CD33: variants seen among roughly 807,000 people sequenced by gnomAD.
CD33 encodes myeloid cell surface antigen CD33.
In CD33, 25 loss-of-function variants were observed where a neutral mutation model predicts 31.4. That is an observed-to-expected ratio of 0.80 (90% CI 0.58 to 1.11). The LOEUF is 1.11. Among genes scored for constraint, CD33 ranks in the 50% most tolerant of loss-of-function variants. CD33 has a pLI of 0.00. For missense variants in CD33, 407 were observed against 448.1 expected (o/e 0.91, Z 0.83); for synonymous variants, 176 against 180.6 (o/e 0.97, Z 0.20).
rs1980977612 is a variant in CD33 at position 51,225,886 on chromosome 19, G to C, written c.502G>C (p.Ala168Pro). 6.2e-7 allele frequency: 1 copy of C among 1,614,018 alleles called. No individual in the cohort carries two copies. The highest frequency in any genetic ancestry group is 1.3e-5 in the African/African-American group (1 of 74,986). Residue 168 changes from alanine (A) to proline (P), a missense_variant, in exon 3 of 7, where the codon GCC becomes CCC. By Grantham distance (27) the Ala-to-Pro change is conservative (BLOSUM62 -1). Transcript: ENST00000262262. The stretch of plus-strand genomic sequence containing the variant: ...AAACCTGACCTGCTCTGTGTCCTGG[G>C]CCTGTGAGCAGGGAACACCCCCGAT... ...SKNLTCSVSW[A>P]CEQGTPPIFS...
the CD33 span, among the ~76,000 whole-genome samples, chr19:51,217,160 C>T: frequency 6.6e-6 from 1 of 152,068 alleles, no homozygotes; most frequent in Non-Finnish European, 1.5e-5. Context: ...GGTCAAGGCA[C>T]CTACAGACAG....
the CD33 span, chr19:51,211,462 A>G: frequency 6.4e-7 from 1 of 1,568,286 alleles, no homozygotes; most frequent in Non-Finnish European, 8.6e-7. Context: ...GGATCCCAGT[A>G]AGAACAACTG....
the CD33 span, chr19:51,211,833 G>A: frequency 3.8e-6 from 4 of 1,062,974 alleles, no homozygotes; most frequent in Middle Eastern, 6.1e-4. Context: ...GAGGACCCTG[G>A]AATCTGGCCA....
upstream of CD33, among the ~76,000 whole-genome samples, chr19:51,224,284 T>C (rs1220441183): frequency 6.6e-6 from 1 of 152,188 alleles, no homozygotes; most frequent in Non-Finnish European, 1.5e-5. Context: ...GAGTCTGCTT[T>C]TAGCTTCCCT....
intron 5 of CD33, 65 bp from the exon 6 acceptor site, chr19:51,235,530 G>A: frequency 1.3e-6 from 2 of 1,546,490 alleles, no homozygotes; most frequent in Non-Finnish European, 1.7e-6. Context: ...CCTCATTCCA[G>A]GCTCATAACA....
At chr19:51,231,130 T>C (rs1459428064) in intron 4 of CD33, among the ~76,000 whole-genome samples, 3 of 152,252 alleles carry the variant, frequency 2.0e-5, no homozygotes, top group Non-Finnish European at 2.9e-5. Context: ...GCAGAGCATA[T>C]GCTAAACCGT....
At chr19:51,231,624 A>G in intron 4 of CD33, among the ~76,000 whole-genome samples, 1 of 122,168 alleles carries the variant, frequency 8.2e-6, no homozygotes, top group Admixed American at 9.1e-5. Flanking sequence ...TTTTGTAGTG[A>G]TAAGATTTGA....
the CD33 span, chr19:51,211,312 C>G: frequency 6.4e-7 from 1 of 1,563,560 alleles, no homozygotes; most frequent in African/African-American, 1.4e-5. Context: ...CCATCCCATA[C>G]CCTACTACAA....
chr19:51,232,695 T>C (rs147470795), intron 4 of CD33, among the ~76,000 whole-genome samples: 257 of 152,358 alleles, frequency 1.7e-3, no homozygotes, highest in African/African-American at 5.6e-3. Flanking sequence ...AAGCTCTCGA[T>C]TGCGGTTTTT....
rs1285826815 is a variant in CD33 at position 51,239,863 on chromosome 19, C to T, written c.*175C>T. 2.1e-6 allele frequency: 1 copy of T among 470,916 alleles called. No individual in the cohort carries two copies. The highest frequency in any genetic ancestry group is 3.7e-6 in the Non-Finnish European group (1 of 269,836). 29.2% of individuals were successfully genotyped at this position (470,916 alleles called of 1,614,324 possible). A position where few individuals can be genotyped will look rare whatever the true frequency, so the allele number is the denominator to read the frequency against. On this transcript the variant is annotated 3_prime_UTR_variant, in exon 7 of 7. Coordinates refer to ENST00000262262, the MANE Select transcript of CD33 (RefSeq NM_001772.4). ...CTTTGCAAGCAGAGAGTCGTGGAAT[C>T]AAATCTGTGCTCTTTCATTTGCTAA...
At chr19:51,219,020 C>G in the CD33 span, among the ~76,000 whole-genome samples, 39 of 151,622 alleles carry the variant, frequency 2.6e-4, no homozygotes, top group Non-Finnish European at 4.6e-4. Context: ...CTTTTTGTTT[C>G]TATATGAATT....
the CD33 span, chr19:51,212,026 G>C: frequency 2.1e-6 from 2 of 931,930 alleles, no homozygotes; most frequent in Non-Finnish European, 3.4e-6. Flanking sequence ...ACGTTCCCCG[G>C]AGCTGGTGTG....
In CD33 at chr19:51,225,290, T is replaced by G. The variant is rs371490488; in HGVS notation, c.110T>G (p.Val37Gly). 6 of 1,614,022 alleles carry G rather than the reference T, an allele frequency of 3.7e-6. No homozygotes were observed. The highest frequency in any genetic ancestry group is 5.1e-6 in the Non-Finnish European group (6 of 1,180,008). The change falls in exon 2 of 7, where the codon GTC (valine) becomes GGC (glycine). Residue 37 changes from valine (V) to glycine (G), a missense_variant. Coordinates refer to ENST00000262262, the MANE Select transcript of CD33 (RefSeq NM_001772.4). Reference protein sequence around the residue: ...ESVTVQEGLCVLVPCTFFHPI... With the variant: ...ESVTVQEGLCGLVPCTFFHPI... ...GTGACGGTACAGGAGGGTTTGTGCG[T>G]CCTCGTGCCCTGCACTTTCTTCCAT...
upstream of CD33, among the ~76,000 whole-genome samples, chr19:51,222,823 G>A (rs1980748411): frequency 6.6e-6 from 1 of 152,182 alleles, no homozygotes; most frequent in Non-Finnish European, 1.5e-5. Flanking sequence ...TTTATTTCAT[G>A]TAAATTATAC....
chr19:51,218,050 G>C, the CD33 span, among the ~76,000 whole-genome samples: 1 of 152,202 alleles, frequency 6.6e-6, no homozygotes, highest in African/African-American at 2.4e-5. Context: ...TTACCCAGTA[G>C]TGGGATCATT....
intron 6 of CD33, chr19:51,239,297 TAGTCTCTGTG>T (rs1157624132): frequency 2.6e-5 from 10 of 386,124 alleles, no homozygotes; most frequent in Non-Finnish European, 4.1e-5. Flanking sequence ...TTTTCCACAT[TAGTCTCTGTG>T]AGTATTCAAG....
chr19:51,237,182 T>G (rs1164578969), intron 6 of CD33: 1 of 152,132 alleles, frequency 6.6e-6, no homozygotes, highest in Non-Finnish European at 1.5e-5. Flanking sequence ...TTTATTTAAC[T>G]CTGACTAAAG....
chr19:51,239,222 C>G (rs1403743398), intron 6 of CD33: 1 of 215,814 alleles, frequency 4.6e-6, no homozygotes, highest in Non-Finnish European at 9.1e-6. Context: ...GACCTAGTTT[C>G]CTGGTCTGTA....
chr19:51,239,575 G>A lies in CD33; in HGVS notation c.982G>A (p.Ala328Thr), dbSNP rs761483335. The change falls in exon 7 of 7, where the codon GCC becomes ACC. Residue 328 changes from alanine (A) to threonine (T), a missense_variant. Coordinates refer to ENST00000262262, the MANE Select transcript of CD33 (RefSeq NM_001772.4). ...GPTETSSCSG[A>T]APTVEMDEEL... is the part of the protein sequence containing the mutation. The stretch of plus-strand genomic sequence containing the variant: ...CACTGAAACCTCAAGCTGTTCAGGT[G>A]CCGCCCCTACTGTGGAGATGGATGA... The A allele has an allele frequency of 9.9e-6, 16 of 1,613,594 alleles. No homozygotes were observed. In the East Asian group the frequency reaches 1.6e-4, roughly 16 times the overall value.
Sources: gnomAD v4.1 joint callset for allele counts (sites outside exome capture counted in the v4.1 genomes callset) on GRCh38, gnomAD v4.1.1 for gene constraint, MANE v1.5 for transcripts, NCBI Gene and HGNC (gene_info 2026-07-23, HGNC 2026-07-21) for gene names.